The following ALK variants were observed in gnomAD, a reference collection of about 807,000 sequenced individuals.
The protein encoded by ALK is ALK receptor tyrosine kinase.
Under a neutral mutation model 163.1 loss-of-function variants are expected in ALK, and 74 were observed. The ratio of observed to expected loss-of-function variants is 0.45; its 90% CI spans 0.38 to 0.55. ALK has a LOEUF of 0.55. Ranked by LOEUF, ALK falls within the 20% of genes least tolerant of loss-of-function variation. The pLI is 0.00. For synonymous variants in ALK, 960 were observed against 843.2 expected (o/e 1.14, Z -2.40); for missense variants, 2,063 against 2,105.3 (o/e 0.98, Z 0.39).
chr2:29,429,703 C>A (rs1670228794), intron 4 of ALK, among the ~76,000 whole-genome samples: 1 of 151,994 alleles, frequency 6.6e-6, no homozygotes. Flanking sequence ...TCCCAGGTAA[C>A]TTTTTGGTAT....
intron 1 of ALK, among the ~76,000 whole-genome samples, chr2:29,842,669 A>G (rs1665730053): frequency 6.6e-6 from 1 of 152,150 alleles, no homozygotes; most frequent in Non-Finnish European, 1.5e-5. Flanking sequence ...ACTGGACCAC[A>G]TGGAGATGGA....
At chr2:29,490,192 A>G (rs1204377217) in intron 4 of ALK, among the ~76,000 whole-genome samples, 2 of 152,212 alleles carry the variant, frequency 1.3e-5, no homozygotes, top group Non-Finnish European at 2.9e-5. Flanking sequence ...TCAGAGCTGG[A>G]GCTAGAGATA....
Position 29,228,977 on chromosome 2 carries a change from G to A in ALK, c.2722C>T (p.Gln908Ter). The A allele has an allele frequency of 6.3e-7, 1 of 1,583,576 alleles. No individual in the cohort carries two copies. Among genetic ancestry groups the A allele is most frequent in the Non-Finnish European group, 8.6e-7 (1 of 1,166,988 alleles). ...EGATGGHSCP[Q>*]AMKKWGWETR... ...TCCCACCCCCACTTCTTCATGGCCT[G>A]GGGGCAGGAATGTCCTCCGGTGGCA... Residue 908 changes from glutamine to a stop codon, truncating the protein, a stop_gained, in exon 16 of 29, where the codon CAG becomes TAG. Transcript: ENST00000389048. LOFTEE classifies it high-confidence loss of function.
At chr2:29,222,248 A>G (rs2148168205) in intron 22 of ALK, 96 bp downstream of exon 22, 1 of 1,131,738 alleles carries the variant, frequency 8.8e-7, no homozygotes, top group Non-Finnish European at 1.3e-6. Context: ...TAGGGACAAC[A>G]CGATTTCCCT....
intron 5 of ALK, among the ~76,000 whole-genome samples, chr2:29,339,506 G>A (rs1185595770): frequency 6.6e-6 from 1 of 152,220 alleles, no homozygotes; most frequent in Non-Finnish European, 1.5e-5. Context: ...CCGTGGCAAG[G>A]AGCATGGACC....
chr2:29,425,704 C>T (rs998315613), intron 4 of ALK, among the ~76,000 whole-genome samples: 2 of 152,120 alleles, frequency 1.3e-5, no homozygotes, highest in African/African-American at 4.8e-5. Context: ...AGAGATTTTG[C>T]CCAGGGAGAG....
At chr2:29,365,387 C>T (rs1668479505) in intron 5 of ALK, among the ~76,000 whole-genome samples, 3 of 152,180 alleles carry the variant, frequency 2.0e-5, no homozygotes, top group African/African-American at 7.2e-5. Flanking sequence ...ATGGCCATCT[C>T]TGGCCCATTC....
chr2:29,245,415 C>T (rs1330273464), intron 12 of ALK, among the ~76,000 whole-genome samples: 6 of 134,260 alleles, frequency 4.5e-5, no homozygotes, highest in Non-Finnish European at 7.9e-5. Flanking sequence ...GTGCCCTGCA[C>T]GTAGTAGGGG....
chr2:29,516,529 C>A (rs1027162934), intron 4 of ALK, among the ~76,000 whole-genome samples: 4 of 152,162 alleles, frequency 2.6e-5, no homozygotes, highest in Non-Finnish European at 4.4e-5. Context: ...TGGCATGTCA[C>A]CTGCCAGGGC....
intron 4 of ALK, among the ~76,000 whole-genome samples, chr2:29,449,684 C>T (rs1024864067): frequency 7.9e-5 from 12 of 152,182 alleles, no homozygotes; most frequent in Admixed American, 4.6e-4. Flanking sequence ...TGTCCCCCAT[C>T]GCCTCCCTAC....
At chr2:29,570,010 G>A (rs1674310107) in intron 3 of ALK, among the ~76,000 whole-genome samples, 1 of 152,180 alleles carries the variant, frequency 6.6e-6, no homozygotes, top group Non-Finnish European at 1.5e-5. Context: ...AGGCCTGAAG[G>A]AACCACCTGC....
At chr2:29,215,099 T>G (rs1669565645) in intron 23 of ALK, among the ~76,000 whole-genome samples, 1 of 152,220 alleles carries the variant, frequency 6.6e-6, no homozygotes, top group Admixed American at 6.5e-5. Flanking sequence ...GAAAGGTGTT[T>G]GTTTAAGCTG....
chr2:29,263,446 CAA>C (rs1381120000), intron 11 of ALK, among the ~76,000 whole-genome samples: 1 of 152,092 alleles, frequency 6.6e-6, no homozygotes, highest in Non-Finnish European at 1.5e-5. Flanking sequence ...GCAGGCAGCC[CAA>C]CTGGCTTGGG....
At chr2:29,450,573 G>C (rs1243745286) in intron 4 of ALK, among the ~76,000 whole-genome samples, 1 of 151,898 alleles carries the variant, frequency 6.6e-6, no homozygotes, top group Non-Finnish European at 1.5e-5. Context: ...ATCAGCACTT[G>C]GGGAAAAAGA....
At chr2:29,459,298 C>T (rs1163443757) in intron 4 of ALK, among the ~76,000 whole-genome samples, 1 of 152,108 alleles carries the variant, frequency 6.6e-6, no homozygotes, top group African/African-American at 2.4e-5. Context: ...AAGTCACTTT[C>T]TCCAACATCC....
chr2:29,644,889 A>T (rs998946818), intron 3 of ALK, among the ~76,000 whole-genome samples: 2 of 152,168 alleles, frequency 1.3e-5, no homozygotes, highest in South Asian at 4.1e-4. Flanking sequence ...TGCTTGGTTC[A>T]TTCCCCTAGG....
At chr2:29,415,774 T>C (rs1669860746) in intron 4 of ALK, among the ~76,000 whole-genome samples, 1 of 152,226 alleles carries the variant, frequency 6.6e-6, no homozygotes, top group South Asian at 2.1e-4. Flanking sequence ...CATCTCCTAA[T>C]CGTTGACTGC....
intron 1 of ALK, among the ~76,000 whole-genome samples, chr2:29,757,389 T>C (rs1396527976): frequency 1.3e-5 from 2 of 152,200 alleles, no homozygotes; most frequent in Non-Finnish European, 1.5e-5. Context: ...CACCCAGTTA[T>C]ATGAGTGGCG....
intron 5 of ALK, among the ~76,000 whole-genome samples, chr2:29,350,565 C>T (rs1412647087): frequency 2.6e-5 from 4 of 152,216 alleles, no homozygotes; most frequent in South Asian, 4.1e-4. Flanking sequence ...GCCTTCTAGG[C>T]TTCTCAGTGG....
Sources: allele counts gnomAD v4.1 joint callset (sites outside exome capture counted in the v4.1 genomes callset), GRCh38; gene constraint gnomAD v4.1.1; transcripts MANE v1.5; gene names NCBI Gene and HGNC (gene_info 2026-07-23, HGNC 2026-07-21).